Variants in PROX2 observed in about 807,000 individuals in gnomAD.
PROX2 encodes the protein prospero homeobox 2, also known as prospero homeobox protein 2.
PROX2 carries 46 observed loss-of-function variants against 48.9 expected under a neutral mutation model. That is an observed-to-expected ratio of 0.94 (90% CI 0.74 to 1.20). The LOEUF is 1.20. PROX2 is among the 50% of genes most tolerant of loss of function. PROX2 has a pLI of 0.00. For missense variants in PROX2, 663 were observed against 719.4 expected, an observed-to-expected ratio of 0.92 and a Z score of 0.90; for synonymous variants, 260 against 276.6, an observed-to-expected ratio of 0.94 and a Z score of 0.60.
Position 74,862,697 on chromosome 14 carries a change from G to C in PROX2, c.1138C>G (p.Arg380Gly), listed in dbSNP as rs377153727. ...TGCGGCTTAGTAGTTCTCCAAGGTC[G>C]TAGGGCAGGCTCTGAGGAGGGGTGC... is the stretch of plus-strand genomic sequence containing the variant. Reference protein sequence around the residue: ...QRHPSSEPALRPWRTTKPQPL... With the variant: ...QRHPSSEPALGPWRTTKPQPL... Residue 380 changes from arginine (R) to glycine (G), a missense_variant, in exon 3 of 6, where the codon CGA (arginine) becomes GGA (glycine). Arg to Gly is a moderately radical substitution (Grantham distance 125). Coordinates refer to ENST00000556489, the MANE Select transcript of PROX2 (RefSeq NM_001243007.2). The C allele has an allele frequency of 8.1e-6, 13 of 1,613,882 alleles. No homozygotes were observed. Among genetic ancestry groups the C allele is most frequent in the African/African-American group, 1.3e-5 (1 of 74,920 alleles).
At chr14:74,875,005 C>T (rs1249239016) in intron 1 of PROX2, among the ~76,000 whole-genome samples, 2 of 152,032 alleles carry the variant, frequency 1.3e-5, no homozygotes, top group East Asian at 1.9e-4. Flanking sequence ...ATTAGCTGGG[C>T]GTGGTGGTGC....
In PROX2 at chr14:74,855,109, G is replaced by A. The variant is rs200145421; in HGVS notation, c.*23C>T. The A allele has an allele frequency of 1.8e-5, 27 of 1,491,462 alleles. No homozygotes were observed. Among genetic ancestry groups the A allele is most frequent in the Non-Finnish European group, 2.4e-5 (26 of 1,105,446 alleles). The allele number at this position is 1,491,462 out of a possible 1,614,324, so 92.4% of individuals were successfully genotyped here. ...ACCCTAGCCAGTCACTCCTCACGTT[G>A]TGGGATCTTAACCCCGAAACAGCTA... On this transcript the variant is annotated 3_prime_UTR_variant, in exon 6 of 6. Coordinates refer to ENST00000556489, the MANE Select transcript of PROX2 (RefSeq NM_001243007.2).
intron 1 of PROX2, among the ~76,000 whole-genome samples, chr14:74,875,270 C>T (rs1044239331): frequency 1.7e-4 from 26 of 152,210 alleles, no homozygotes; most frequent in African/African-American, 5.8e-4. Flanking sequence ...TGTCTTTTCT[C>T]ATTTTTCTAA....
At position 74,856,989 on chromosome 14, in the gene PROX2, G is replaced by A. The variant is rs368408282; in HGVS notation, c.1420C>T (p.Arg474Cys). The change falls in exon 5 of 6, where the codon CGC becomes TGC. Residue 474 changes from arginine to cysteine, a missense_variant. Arg to Cys is a radical substitution (Grantham distance 180, BLOSUM62 -3). Transcript: ENST00000556489. ...KVYFPDVQFN[R>C]CITSQMIKWF... Reference sequence around the variant, plus strand: ...TTGATCATCTGGGAGGTAATGCAGCGGTTGAACTGTACAAACAAGAGGTCC... The same window carrying A: ...TTGATCATCTGGGAGGTAATGCAGCAGTTGAACTGTACAAACAAGAGGTCC... The A allele has an allele frequency of 2.9e-4, 463 of 1,613,772 alleles. 2 individuals are homozygous for A. The highest frequency in any genetic ancestry group is 5.0e-4 in the Middle Eastern group (3 of 6,060).
intron 1 of PROX2, among the ~76,000 whole-genome samples, chr14:74,871,551 A>G (rs556202828): frequency 6.6e-6 from 1 of 151,872 alleles, no homozygotes; most frequent in Admixed American, 6.6e-5. Context: ...AGGCTCAAGG[A>G]TCACCTGAGC....
In PROX2 at chr14:74,853,190, G is replaced by T. The variant is rs1220352155; in HGVS notation, c.*1942C>A. 1.3e-5 allele frequency: 2 copies of T among 152,186 alleles called. No individual in the cohort carries two copies. Among genetic ancestry groups the T allele is most frequent in the Non-Finnish European group, 2.9e-5 (2 of 68,044 alleles). The allele number at this position is 152,186 out of a possible 1,614,324, so 9.4% of individuals were successfully genotyped here. A position where few individuals can be genotyped will look rare whatever the true frequency, so the allele number is the denominator to read the frequency against. On this transcript the variant is annotated 3_prime_UTR_variant, in exon 6 of 6. Transcript: ENST00000556489. ...GGTTCACTGCCCTGGAGGTGACTTG[G>T]CTCAGTCTTTAAACACACACTAATG...
At chr14:74,875,747 C>T (rs1161442335) in intron 1 of PROX2, among the ~76,000 whole-genome samples, 148 bp downstream of exon 1, 1 of 152,174 alleles carries the variant, frequency 6.6e-6, no homozygotes, top group Non-Finnish European at 1.5e-5. Context: ...TACATATGAA[C>T]AATTGTTAAA....
intron 4 of PROX2, chr14:74,857,693 T>C (rs2140162279): frequency 6.6e-6 from 1 of 152,250 alleles, no homozygotes; most frequent in East Asian, 1.9e-4. Flanking sequence ...AACATAAATT[T>C]GACAGTGTCT....
intron 2 of PROX2, among the ~76,000 whole-genome samples, chr14:74,869,655 C>T (rs1883163201): frequency 6.6e-6 from 1 of 152,152 alleles, no homozygotes; most frequent in Non-Finnish European, 1.5e-5. Context: ...TATATATATA[C>T]TTTTAAATAG....
rs927088049 is a variant in PROX2, at chr14:74,875,876, A to G, written c.-310+19T>C. ...AAAAGTACTCTGGCAAGGTAAATGG[A>G]AAGGATGATGTTACTCACAGGGAAG... On this transcript the variant is annotated intron_variant, in intron 1 of 5. Transcript: ENST00000556489. Among the ~76,000 whole-genome samples the G allele has an allele frequency of 2.6e-5, 4 of 152,220 alleles. No individual in the cohort carries two copies. The highest frequency in any genetic ancestry group is 9.6e-5 in the African/African-American group (4 of 41,454).
chr14:74,873,431 C>T (rs779907894), intron 1 of PROX2, among the ~76,000 whole-genome samples: 3 of 152,118 alleles, frequency 2.0e-5, no homozygotes, highest in Non-Finnish European at 4.4e-5. Context: ...TTCTCTGGTG[C>T]GGGAAATAGG....
chr14:74,856,069 TGTGATCACA>T (rs2091740462), intron 5 of PROX2: 1 of 152,250 alleles, frequency 6.6e-6, no homozygotes, highest in Non-Finnish European at 1.5e-5. Context: ...AACCACTCTT[TGTGATCACA>T]GTCAAGGGAG....
intron 2 of PROX2, among the ~76,000 whole-genome samples, chr14:74,870,096 T>TGG (rs200164593): frequency 6.6e-6 from 1 of 150,436 alleles, no homozygotes; most frequent in South Asian, 2.1e-4. Context: ...AAAACTGGAG[T>TGG]GGGGGGGTAA....
intron 1 of PROX2, among the ~76,000 whole-genome samples, chr14:74,872,949 T>C (rs1020553690): frequency 2.6e-5 from 4 of 152,202 alleles, no homozygotes; most frequent in African/African-American, 9.6e-5. Flanking sequence ...AACTATGGAA[T>C]GATCTACCAG....
At chr14:74,875,307 C>T (rs557478456) in intron 1 of PROX2, among the ~76,000 whole-genome samples, 49 of 152,234 alleles carry the variant, frequency 3.2e-4, no homozygotes, top group African/African-American at 1.2e-3. Context: ...CACAGGCTAG[C>T]GTTAGGGGTC....
chr14:74,857,172 T>G (rs1270959032), intron 4 of PROX2, 177 bp from the exon 5 acceptor site: 1 of 544,372 alleles, frequency 1.8e-6, no homozygotes, highest in Non-Finnish European at 3.2e-6. Context: ...TTAGTTATAC[T>G]CAGAAAAATC....
At chr14:74,866,631 C>T (rs1169015880) in intron 2 of PROX2, among the ~76,000 whole-genome samples, 1 of 152,110 alleles carries the variant, frequency 6.6e-6, no homozygotes, top group Non-Finnish European at 1.5e-5. Flanking sequence ...TGTGGAGTCA[C>T]TGGGAATCTT....
rs574228477 is a variant in PROX2 at position 74,862,298 on chromosome 14, C to T, written c.1305+232G>A. On this transcript the variant is annotated intron_variant, in intron 3 of 5. Transcript: ENST00000556489. ...CTCACTGTAACCTCGAACTCCCGGGCTCAAGCAATCCTCCTGCCTCAGCCT... is the reference window on the plus strand; with the variant it reads ...CTCACTGTAACCTCGAACTCCCGGGTTCAAGCAATCCTCCTGCCTCAGCCT... 5.3e-5 allele frequency among the ~76,000 whole-genome samples: 8 copies of T among 152,364 alleles called. No homozygotes were observed. In the East Asian group the frequency reaches 1.5e-3, roughly 29 times the overall value.
chr14:74,872,863 G>C (rs1249092439), intron 1 of PROX2, among the ~76,000 whole-genome samples: 4 of 152,170 alleles, frequency 2.6e-5, no homozygotes, highest in African/African-American at 7.2e-5. Context: ...AGGCCACACA[G>C]CCCTGTCCAT....
Sources: allele counts gnomAD v4.1 joint callset (sites outside exome capture counted in the v4.1 genomes callset), GRCh38; gene constraint gnomAD v4.1.1; transcripts MANE v1.5; gene names NCBI Gene and HGNC (gene_info 2026-07-23, HGNC 2026-07-21).